ZNF385D: variants seen among roughly 807,000 people sequenced by gnomAD.
ZNF385D encodes the protein zinc finger protein 385D.
In ZNF385D, 15 loss-of-function variants were observed where a neutral mutation model predicts 35.8. The ratio of observed to expected loss-of-function variants is 0.42; its 90% CI spans 0.28 to 0.64. ZNF385D has a LOEUF of 0.64. Among genes scored for constraint, ZNF385D ranks in the 30% least tolerant of loss-of-function variants. The pLI is 0.23. For missense variants in ZNF385D, 474 were observed against 494.6 expected (o/e 0.96, Z 0.39); for synonymous variants, 212 against 186.8 (o/e 1.13, Z -1.10).
At chr3:21,858,737 G>T (rs1030688308) in intron 3 of ZNF385D, among the ~76,000 whole-genome samples, 1 of 152,118 alleles carries the variant, frequency 6.6e-6, no homozygotes, top group Non-Finnish European at 1.5e-5. Flanking sequence ...GACTAAGACA[G>T]CACGAATGAT....
At chr3:21,687,142 G>A (rs576707443) in intron 1 of ZNF385D, among the ~76,000 whole-genome samples, 4 of 152,188 alleles carry the variant, frequency 2.6e-5, no homozygotes, top group East Asian at 3.9e-4. Context: ...TTATACAAAC[G>A]GAGAACCCAG....
chr3:22,147,064 G>T (rs540286814), intron 3 of ZNF385D, among the ~76,000 whole-genome samples: 23 of 152,108 alleles, frequency 1.5e-4, no homozygotes, highest in Non-Finnish European at 2.9e-4. Flanking sequence ...CCAATTAAAG[G>T]TATAGTAGTA....
chr3:22,121,605 A>T (rs1703090430), intron 3 of ZNF385D, among the ~76,000 whole-genome samples: 1 of 152,166 alleles, frequency 6.6e-6, no homozygotes, highest in Non-Finnish European at 1.5e-5. Flanking sequence ...AACAAACAGT[A>T]ATCATACCTA....
chr3:21,812,619 G>A (rs1010020639), intron 3 of ZNF385D, among the ~76,000 whole-genome samples: 25 of 152,322 alleles, frequency 1.6e-4, no homozygotes, highest in East Asian at 1.9e-4. Flanking sequence ...GTCCGAGATC[G>A]AACTGCAAGG....
rs576908425 is a variant in ZNF385D, at chr3:22,073,217, A to T, written c.325+95600T>A. ...GTGTTTAAGTCCCAAATAATTAATT[A>T]AAATCATCATTTGCAGACAAATCTA... On this transcript the variant is annotated intron_variant, in intron 3 of 5. Transcript: ENST00000494108. Among the ~76,000 whole-genome samples the T allele has an allele frequency of 2.9e-4, 44 of 152,150 alleles. No individual in the cohort carries two copies. In the Middle Eastern group the frequency reaches 0.01, roughly 35 times the overall value.
At position 21,546,761 on chromosome 3, in the gene ZNF385D, G is replaced by C. The variant is rs147641625; in HGVS notation, c.276+17813C>G. Among the ~76,000 whole-genome samples, 301 of 152,116 alleles carry C rather than the reference G, an allele frequency of 2.0e-3. 3 individuals carry two copies. Among genetic ancestry groups the C allele is most frequent in the Non-Finnish European group, 3.6e-3 (245 of 68,010 alleles). ...CGTTAATATCCATGGCATAAATGAG[G>C]TCTAGGGAACTCCAAGGCTACTGGC... is the stretch of plus-strand genomic sequence containing the variant. On this transcript the variant is annotated intron_variant, in intron 3 of 7. Transcript: ENST00000281523.
At chr3:22,329,567 A>C (rs750661103) in intron 2 of ZNF385D, among the ~76,000 whole-genome samples, 3 of 152,190 alleles carry the variant, frequency 2.0e-5, no homozygotes, top group Non-Finnish European at 2.9e-5. Context: ...TCAATTGTAC[A>C]CAAATTTGTC....
At chr3:22,369,942 T>C (rs1019380610) in intron 2 of ZNF385D, among the ~76,000 whole-genome samples, 1 of 152,182 alleles carries the variant, frequency 6.6e-6, no homozygotes, top group Non-Finnish European at 1.5e-5. Context: ...CAATGAGAAA[T>C]GCAACATTTT....
At chr3:22,134,326 A>G (rs1471552650) in intron 3 of ZNF385D, 1 of 152,168 alleles carries the variant, frequency 6.6e-6, no homozygotes, top group Non-Finnish European at 1.5e-5. Context: ...TACCAAGAAG[A>G]TATAATGCTA....
chr3:21,793,137 A>G (rs142792741), intron 3 of ZNF385D, among the ~76,000 whole-genome samples: 2,378 of 152,352 alleles, frequency 0.016, 67 homozygotes, highest in African/African-American at 0.054. Flanking sequence ...TTCAATGCCA[A>G]TGTAACACAG....
chr3:22,308,859 A>G (rs980737484), intron 2 of ZNF385D, among the ~76,000 whole-genome samples: 2 of 152,096 alleles, frequency 1.3e-5, no homozygotes, highest in Non-Finnish European at 2.9e-5. Context: ...TTTCTCAGCA[A>G]CAGAACAAAC....
chr3:22,190,642 T>C (rs1404348827), intron 2 of ZNF385D, among the ~76,000 whole-genome samples: 1 of 152,184 alleles, frequency 6.6e-6, no homozygotes, highest in African/African-American at 2.4e-5. Flanking sequence ...TAATCTGGTA[T>C]TGAAGGAAAA....
intron 2 of ZNF385D, among the ~76,000 whole-genome samples, chr3:21,640,632 A>G (rs1480365932): frequency 6.6e-6 from 1 of 152,124 alleles, no homozygotes; most frequent in African/African-American, 2.4e-5. Flanking sequence ...GCCAGGAGGA[A>G]GTCCCTTGCC....
intron 2 of ZNF385D, among the ~76,000 whole-genome samples, chr3:22,326,696 T>C (rs1395817601): frequency 6.6e-6 from 1 of 152,214 alleles, no homozygotes; most frequent in Non-Finnish European, 1.5e-5. Context: ...TGAACATTTC[T>C]GTTTTAAAAC....
intron 2 of ZNF385D, among the ~76,000 whole-genome samples, chr3:22,232,288 A>C (rs897419649): frequency 2.0e-5 from 3 of 150,952 alleles, no homozygotes; most frequent in Non-Finnish European, 4.4e-5. Context: ...AGCTGATTCT[A>C]TGTGCCATAT....
At chr3:21,874,458 C>T (rs545265768) in intron 3 of ZNF385D, among the ~76,000 whole-genome samples, 99 of 152,196 alleles carry the variant, frequency 6.5e-4, no homozygotes, top group Non-Finnish European at 9.4e-4. Context: ...TGTATTGCCT[C>T]TTCATCTGTT....
intron 3 of ZNF385D, among the ~76,000 whole-genome samples, chr3:21,773,292 A>G (rs1423408739): frequency 6.6e-6 from 1 of 151,950 alleles, no homozygotes; most frequent in Admixed American, 6.6e-5. Flanking sequence ...TTATACCTGG[A>G]AAGTTCAAGC....
chr3:21,678,762 A>G lies in ZNF385D; in HGVS notation c.23-13734T>C, dbSNP rs958524053. The stretch of plus-strand genomic sequence containing the variant: ...GCACGGCTTCTGAAATTGGCCCTGC[A>G]TTTTCCTGAATGATTCTGATCTGTA... On this transcript the variant is annotated intron_variant, in intron 1 of 7. Transcript: ENST00000281523. Among the ~76,000 whole-genome samples, 3 of 152,026 alleles carry G rather than the reference A, an allele frequency of 2.0e-5. No individual in the cohort carries two copies. The South Asian group carries it at 6.2e-4, about 31-fold the overall frequency.
chr3:22,043,290 C>T (rs980069283), intron 3 of ZNF385D, among the ~76,000 whole-genome samples: 10 of 152,010 alleles, frequency 6.6e-5, no homozygotes, highest in African/African-American at 1.9e-4. Flanking sequence ...GTTCAAACAC[C>T]GTCAAAGATT....
Sources: gnomAD v4.1 joint callset for allele counts (sites outside exome capture counted in the v4.1 genomes callset) on GRCh38, gnomAD v4.1.1 for gene constraint, MANE v1.5 for transcripts, NCBI Gene and HGNC (gene_info 2026-07-23, HGNC 2026-07-21) for gene names.